The following SPOCK1 variants were observed in gnomAD, a reference collection of about 807,000 sequenced individuals.
SPOCK1 encodes SPARC (osteonectin), cwcv and kazal like domains proteoglycan 1.
Under a neutral mutation model 55.3 loss-of-function variants are expected in SPOCK1, and 23 were observed. The observed-to-expected ratio is 0.42, with a 90% CI of 0.30 to 0.59. The LOEUF (loss-of-function observed/expected upper bound fraction) is 0.59. SPOCK1 is among the 20% of genes least tolerant of loss of function. SPOCK1 has a pLI of 0.22. For missense variants in SPOCK1, 499 were observed against 552.5 expected, an observed-to-expected ratio of 0.90 and a Z score of 0.97; for synonymous variants, 226 against 221.0, an observed-to-expected ratio of 1.02 and a Z score of -0.20.
At chr5:137,183,419 T>C (rs1755006824) in intron 3 of SPOCK1, among the ~76,000 whole-genome samples, 1 of 152,218 alleles carries the variant, frequency 6.6e-6, no homozygotes, top group Admixed American at 6.5e-5. Flanking sequence ...TTAAAGAGGA[T>C]GAAGAGAGAT....
chr5:137,417,332 C>CTTTTT (rs35711384), intron 2 of SPOCK1, among the ~76,000 whole-genome samples: 1 of 117,894 alleles, frequency 8.5e-6, no homozygotes, highest in African/African-American at 3.0e-5. Context: ...TAACCCATTT[C>CTTTTT]TTTTTTTTTT....
intron 2 of SPOCK1, among the ~76,000 whole-genome samples, chr5:137,450,664 C>T (rs988294386): frequency 6.6e-6 from 1 of 152,158 alleles, no homozygotes; most frequent in African/African-American, 2.4e-5. Context: ...TCCTTAGCTC[C>T]GAACTTCACA....
intron 6 of SPOCK1, among the ~76,000 whole-genome samples, chr5:137,042,029 A>C (rs936872322): frequency 6.6e-6 from 1 of 152,234 alleles, no homozygotes; most frequent in Non-Finnish European, 1.5e-5. Context: ...ATTCATAAAC[A>C]CCAAAACTGG....
intron 3 of SPOCK1, among the ~76,000 whole-genome samples, chr5:137,251,623 C>T (rs1050217917): frequency 3.9e-5 from 6 of 152,178 alleles, no homozygotes; most frequent in African/African-American, 1.4e-4. Context: ...GGGTTCCCCT[C>T]AGTAATGAAT....
intron 2 of SPOCK1, among the ~76,000 whole-genome samples, chr5:137,267,310 C>T (rs1756877264): frequency 6.6e-6 from 1 of 152,206 alleles, no homozygotes; most frequent in Admixed American, 6.5e-5. Flanking sequence ...AACAGCGCTG[C>T]TCTTCTTAGT....
intron 7 of SPOCK1, 85 bp downstream of exon 7, chr5:136,992,399 G>C (rs918498675): frequency 1.0e-6 from 1 of 973,366 alleles, no homozygotes; most frequent in Admixed American, 2.5e-5. Context: ...TAATGTAATG[G>C]GTGTTTTTCA....
chr5:137,400,249 CAG>C (rs1266504732), intron 2 of SPOCK1, among the ~76,000 whole-genome samples: 2 of 152,200 alleles, frequency 1.3e-5, no homozygotes, highest in African/African-American at 4.8e-5. Context: ...CAGCCTCATA[CAG>C]GCTGATTCTT....
At position 136,985,199 on chromosome 5, in the gene SPOCK1, A is replaced by T. The variant is rs373028461; in HGVS notation, c.932T>A (p.Leu311His). ...WCYCFQKPGG[L>H]PCQNEMNRIQ... The stretch of plus-strand genomic sequence containing the variant: ...TCTGTTCATTTCATTCTGGCAAGGG[A>T]GACCTAAAAAATAATTTCTGAAAGT... The change falls in exon 9 of 11, where the codon CTC (leucine) becomes CAC (histidine). Residue 311 changes from leucine to histidine, a missense_variant. Leu to His is a moderately conservative substitution (Grantham distance 99). Transcript: ENST00000394945. The T allele has an allele frequency of 4.3e-6, 7 of 1,613,968 alleles. No homozygotes were observed. The highest frequency in any genetic ancestry group is 5.9e-6 in the Non-Finnish European group (7 of 1,179,946).
chr5:137,265,976 A>G (rs1443878563), intron 3 of SPOCK1, among the ~76,000 whole-genome samples: 1 of 152,240 alleles, frequency 6.6e-6, no homozygotes, highest in African/African-American at 2.4e-5. Context: ...GCTAGCATGC[A>G]TGAATGAAAA....
intron 3 of SPOCK1, among the ~76,000 whole-genome samples, chr5:137,209,104 A>C (rs1218847353): frequency 6.6e-6 from 1 of 152,154 alleles, no homozygotes; most frequent in Non-Finnish European, 1.5e-5. Flanking sequence ...CAAAGAACAC[A>C]CTCAACAAAT....
intron 3 of SPOCK1, among the ~76,000 whole-genome samples, chr5:137,243,452 A>G (rs1264484096): frequency 2.6e-5 from 4 of 152,156 alleles, no homozygotes; most frequent in Non-Finnish European, 5.9e-5. Flanking sequence ...AAATTGATAG[A>G]AAAAAAGGTG....
intron 3 of SPOCK1, among the ~76,000 whole-genome samples, chr5:137,225,709 A>G (rs1344971100): frequency 1.3e-5 from 2 of 152,194 alleles, no homozygotes; most frequent in East Asian, 1.9e-4. Context: ...TGGCTCTATC[A>G]TCAGAAGTAC....
intron 5 of SPOCK1, among the ~76,000 whole-genome samples, chr5:137,106,554 G>A (rs1005638051): frequency 2.0e-5 from 3 of 151,978 alleles, no homozygotes; most frequent in African/African-American, 7.2e-5. Context: ...TCTGAAATTC[G>A]AATCATTGCT....
At chr5:137,019,849 T>C (rs1751533489) in intron 6 of SPOCK1, among the ~76,000 whole-genome samples, 1 of 151,974 alleles carries the variant, frequency 6.6e-6, no homozygotes, top group African/African-American at 2.4e-5. Context: ...ACATAAACTA[T>C]ATAAAATAAT....
chr5:137,024,284 T>C (rs1751626401), intron 6 of SPOCK1, among the ~76,000 whole-genome samples: 1 of 127,138 alleles, frequency 7.9e-6, no homozygotes, highest in Non-Finnish European at 1.6e-5. Context: ...GACAGATAAA[T>C]TCCATAAGCA....
intron 3 of SPOCK1, among the ~76,000 whole-genome samples, chr5:137,244,930 T>C (rs944825283): frequency 1.5e-4 from 23 of 152,248 alleles, no homozygotes; most frequent in Non-Finnish European, 3.1e-4. Flanking sequence ...TTTTAAATAC[T>C]AATTTTATTA....
chr5:137,039,039 G>A (rs745808178), intron 6 of SPOCK1, among the ~76,000 whole-genome samples: 66 of 152,214 alleles, frequency 4.3e-4, no homozygotes, highest in East Asian at 5.8e-4. Context: ...GATGATGATC[G>A]TGGTGGTGGT....
chr5:137,334,408 G>A (rs187561454), intron 2 of SPOCK1, among the ~76,000 whole-genome samples: 306 of 152,244 alleles, frequency 2.0e-3, no homozygotes, highest in Middle Eastern at 6.8e-3. Context: ...TTTAAGCTCC[G>A]TGCAAGAAAG....
chr5:137,192,454 G>A (rs919535046), intron 3 of SPOCK1, among the ~76,000 whole-genome samples: 10 of 152,032 alleles, frequency 6.6e-5, no homozygotes, highest in African/African-American at 2.4e-4. Context: ...CTGCTAGGTG[G>A]GAATAAGGAA....
Sources: gnomAD v4.1 joint callset for allele counts (sites outside exome capture counted in the v4.1 genomes callset) on GRCh38, gnomAD v4.1.1 for gene constraint, MANE v1.5 for transcripts, NCBI Gene and HGNC (gene_info 2026-07-23, HGNC 2026-07-21) for gene names.